The following FGF12 variants were observed in gnomAD, a reference collection of about 807,000 sequenced individuals.
FGF12 encodes the protein fibroblast growth factor 12B.
Under a neutral mutation model 23.6 loss-of-function variants are expected in FGF12, and 14 were observed. That is an observed-to-expected ratio of 0.59 (90% CI 0.39 to 0.93). The LOEUF (loss-of-function observed/expected upper bound fraction) is 0.93, where lower values mean the gene tolerates loss of function less well. Among genes scored for constraint, FGF12 ranks in the 40% least tolerant of loss-of-function variants. The pLI is 0.00. For synonymous variants in FGF12, 62 were observed against 77.3 expected (o/e 0.80, Z 1.04); for missense variants, 175 against 217.8 (o/e 0.80, Z 1.24).
chr3:192,396,363 T>G (rs1720517686), intron 2 of FGF12, among the ~76,000 whole-genome samples: 1 of 152,222 alleles, frequency 6.6e-6, no homozygotes, highest in Non-Finnish European at 1.5e-5. Flanking sequence ...AACTTGACTG[T>G]AGATATTTAA....
intron 4 of FGF12, among the ~76,000 whole-genome samples, chr3:192,171,811 G>C (rs1463997138): frequency 6.6e-6 from 1 of 151,790 alleles, no homozygotes; most frequent in South Asian, 2.1e-4. Flanking sequence ...AATGAATATA[G>C]GTTGGTTGAA....
chr3:192,321,289 T>G (rs915110570), intron 4 of FGF12, among the ~76,000 whole-genome samples: 2 of 151,972 alleles, frequency 1.3e-5, no homozygotes, highest in African/African-American at 4.8e-5. Context: ...CAGTAACAAG[T>G]AATGAGATTG....
intron 4 of FGF12, among the ~76,000 whole-genome samples, chr3:192,208,707 C>G (rs1363470043): frequency 2.0e-5 from 3 of 152,220 alleles, no homozygotes; most frequent in Middle Eastern, 3.4e-3. Context: ...GTTGGGAACC[C>G]TCTTTGAGGA....
In FGF12 at chr3:192,644,462, A is replaced by T. The variant is rs182777134; in HGVS notation, c.13+82719T>A. 1.2e-3 allele frequency among the ~76,000 whole-genome samples: 178 copies of T among 152,186 alleles called. 1 individual carries two copies. Among genetic ancestry groups the T allele is most frequent in the African/African-American group, 4.1e-3 (169 of 41,540 alleles). On this transcript the variant is annotated intron_variant, in intron 2 of 5. Transcript: ENST00000445105. The stretch of plus-strand genomic sequence containing the variant: ...ATGTTCACTCCTATTTTATTGCATG[A>T]TGGTTTCATCATGATTCACCAACAA...
At chr3:192,595,508 T>A (rs1268550503) in intron 2 of FGF12, among the ~76,000 whole-genome samples, 1 of 152,212 alleles carries the variant, frequency 6.6e-6, no homozygotes, top group Admixed American at 6.5e-5. Flanking sequence ...AGAGCAGTGG[T>A]TCTTACTCTT....
chr3:192,496,036 C>G (rs1431171942), intron 2 of FGF12, among the ~76,000 whole-genome samples: 1 of 152,098 alleles, frequency 6.6e-6, no homozygotes, highest in Non-Finnish European at 1.5e-5. Context: ...ATAAATAGAG[C>G]TAGACTCTTA....
At chr3:192,166,651 T>C (rs1200556469) in intron 5 of FGF12, among the ~76,000 whole-genome samples, 3 of 152,222 alleles carry the variant, frequency 2.0e-5, no homozygotes, top group African/African-American at 7.2e-5. Context: ...TGGAACCTAC[T>C]TCGTACAAAT....
chr3:192,435,782 G>A (rs561270324), intron 2 of FGF12, among the ~76,000 whole-genome samples: 1 of 152,290 alleles, frequency 6.6e-6, no homozygotes, highest in East Asian at 1.9e-4. Context: ...TTTGGGCTCT[G>A]AGGATACAAT....
chr3:192,165,749 T>C (rs1377099509), intron 5 of FGF12, among the ~76,000 whole-genome samples: 1 of 152,228 alleles, frequency 6.6e-6, no homozygotes, highest in Non-Finnish European at 1.5e-5. Context: ...GTTTCTGCTT[T>C]GCTATCACTG....
At chr3:192,344,972 T>C (rs1717881611) in intron 3 of FGF12, among the ~76,000 whole-genome samples, 1 of 152,178 alleles carries the variant, frequency 6.6e-6, no homozygotes, top group Non-Finnish European at 1.5e-5. Context: ...AAGAATTCAG[T>C]GAACAGCACA....
intron 2 of FGF12, among the ~76,000 whole-genome samples, chr3:192,492,377 T>TAC (rs367953391): frequency 1.3e-5 from 2 of 151,984 alleles, no homozygotes; most frequent in East Asian, 1.9e-4. Context: ...AAAAATGACA[T>TAC]ACACACACAC....
intron 2 of FGF12, among the ~76,000 whole-genome samples, chr3:192,495,291 T>G (rs1258014044): frequency 6.6e-6 from 1 of 152,220 alleles, no homozygotes; most frequent in Non-Finnish European, 1.5e-5. Context: ...TATGCTTATA[T>G]ATATGTATGT....
intron 4 of FGF12, among the ~76,000 whole-genome samples, chr3:192,247,166 A>C (rs1423345327): frequency 6.6e-6 from 1 of 152,102 alleles, no homozygotes; most frequent in Non-Finnish European, 1.5e-5. Context: ...GGTGATGTGC[A>C]ATGGTGCTAA....
chr3:192,355,335 G>A (rs1337611319), intron 3 of FGF12, among the ~76,000 whole-genome samples: 2 of 152,166 alleles, frequency 1.3e-5, no homozygotes, highest in Admixed American at 6.5e-5. Flanking sequence ...AAAAGAAGGT[G>A]CTGATAGATC....
intron 2 of FGF12, among the ~76,000 whole-genome samples, chr3:192,643,089 G>A (rs1715866706): frequency 6.6e-6 from 1 of 152,090 alleles, no homozygotes; most frequent in African/African-American, 2.4e-5. Flanking sequence ...GCACATAGCT[G>A]GCAGACATGA....
intron 4 of FGF12, among the ~76,000 whole-genome samples, chr3:192,184,297 C>T (rs374640468): frequency 5.9e-5 from 9 of 152,096 alleles, no homozygotes; most frequent in South Asian, 2.1e-4. Context: ...CAATGTGCTT[C>T]GGTTAATATA....
chr3:192,248,339 A>T (rs1711766998), intron 4 of FGF12, among the ~76,000 whole-genome samples: 1 of 152,216 alleles, frequency 6.6e-6, no homozygotes, highest in African/African-American at 2.4e-5. Context: ...CACTTTTCAT[A>T]TTCTCCATGC....
rs1245375501 is a variant in FGF12, at chr3:192,588,067, C to G, written c.13+139114G>C. 2.6e-5 allele frequency among the ~76,000 whole-genome samples: 4 copies of G among 151,364 alleles called. No homozygotes were observed. The East Asian group carries it at 7.7e-4, about 29-fold the overall frequency. ...CAGGGGCATATTTAAGAATCCAGGC[C>G]GGGCGCAGCAGCTCACGCCTGTAAT... On this transcript the variant is annotated intron_variant, in intron 2 of 5. Coordinates refer to ENST00000445105, the MANE Select transcript of FGF12 (RefSeq NM_004113.6).
rs1719140501 is a variant in FGF12 at position 192,724,278 on chromosome 3, T to A, written c.13+2903A>T. ...ATGGAGATTCTGCAGTTCTAAAAAATTTGTCTGCAAACCACATTTTGACTA... is the reference window on the plus strand; with the variant it reads ...ATGGAGATTCTGCAGTTCTAAAAAAATTGTCTGCAAACCACATTTTGACTA... On this transcript the variant is annotated intron_variant, in intron 2 of 5. Coordinates refer to ENST00000445105, the MANE Select transcript of FGF12 (RefSeq NM_004113.6). 2.6e-5 allele frequency among the ~76,000 whole-genome samples: 4 copies of A among 152,142 alleles called. No individual in the cohort carries two copies. In the South Asian group the frequency reaches 8.3e-4, roughly 31 times the overall value.
Sources: gnomAD v4.1 joint callset for allele counts (sites outside exome capture counted in the v4.1 genomes callset) on GRCh38, gnomAD v4.1.1 for gene constraint, MANE v1.5 for transcripts, NCBI Gene and HGNC (gene_info 2026-07-23, HGNC 2026-07-21) for gene names.